KCNMA1: variants seen among roughly 807,000 people sequenced by gnomAD.
KCNMA1 encodes the protein potassium calcium-activated channel subfamily M alpha 1.
KCNMA1 carries 29 observed loss-of-function variants against 140.0 expected under a neutral mutation model. The ratio of observed to expected loss-of-function variants is 0.21; its 90% CI spans 0.15 to 0.28. KCNMA1 has a LOEUF of 0.28. KCNMA1 is among the 10% of genes least tolerant of loss of function. KCNMA1 has a pLI of 1.00. For synonymous variants in KCNMA1, 612 were observed against 611.9 expected, an observed-to-expected ratio of 1.00 and a Z score of 0.00; for missense variants, 880 against 1,602.2, an observed-to-expected ratio of 0.55 and a Z score of 7.70.
intron 1 of KCNMA1, among the ~76,000 whole-genome samples, chr10:77,557,022 G>A (rs529775910): frequency 6.6e-6 from 1 of 152,154 alleles, no homozygotes; most frequent in African/African-American, 2.4e-5. Context: ...GACTCCCTTG[G>A]ATAATGCTGG....
chr10:77,227,045 G>A (rs1015977813), intron 3 of KCNMA1, among the ~76,000 whole-genome samples: 1 of 152,054 alleles, frequency 6.6e-6, no homozygotes, highest in African/African-American at 2.4e-5. Flanking sequence ...CTTTGCCTGG[G>A]GCAGTCTTTT....
At chr10:77,017,500 C>T (rs1223034457) in intron 17 of KCNMA1, among the ~76,000 whole-genome samples, 2 of 152,148 alleles carry the variant, frequency 1.3e-5, no homozygotes, top group Admixed American at 6.5e-5. Context: ...ATTTTTCCCC[C>T]ACAACTCAAT....
chr10:77,630,816 G>T (rs2048626), intron 1 of KCNMA1, among the ~76,000 whole-genome samples: 33,414 of 151,796 alleles, frequency 0.22, 3,990 homozygotes, highest in African/African-American at 0.27. Context: ...GCATATTAAA[G>T]TTTGACTAAG....
At chr10:76,907,634 G>A (rs1209890887) in intron 25 of KCNMA1, among the ~76,000 whole-genome samples, 1 of 152,114 alleles carries the variant, frequency 6.6e-6, no homozygotes, top group African/African-American at 2.4e-5. Flanking sequence ...CACCTCCCAG[G>A]CTCAAGCGAT....
At chr10:77,388,334 G>T (rs1369219219) in intron 2 of KCNMA1, among the ~76,000 whole-genome samples, 1 of 152,176 alleles carries the variant, frequency 6.6e-6, no homozygotes, top group Non-Finnish European at 1.5e-5. Context: ...CAAAGCTCCT[G>T]GTGGGGCTGG....
At chr10:77,576,696 A>C (rs1254789447) in intron 1 of KCNMA1, among the ~76,000 whole-genome samples, 1 of 152,150 alleles carries the variant, frequency 6.6e-6, no homozygotes, top group Non-Finnish European at 1.5e-5. Flanking sequence ...CTGGAACAAG[A>C]AGACTGCAAA....
At chr10:77,514,855 C>A (rs1012295218) in intron 1 of KCNMA1, among the ~76,000 whole-genome samples, 1 of 152,128 alleles carries the variant, frequency 6.6e-6, no homozygotes, top group African/African-American at 2.4e-5. Context: ...TCACTCACGT[C>A]TAGACACCAT....
intron 18 of KCNMA1, among the ~76,000 whole-genome samples, chr10:77,007,653 G>GTGTGTGTGTGTATATATATATATATATA: frequency 3.4e-4 from 30 of 88,456 alleles, no homozygotes; most frequent in African/African-American, 5.0e-4. Flanking sequence ...TTGTGTGTGT[G>GTGTGTGTGTGTATATATATATATATATA]TATATATATA....
intron 2 of KCNMA1, among the ~76,000 whole-genome samples, chr10:77,355,530 A>C (rs2154394963): frequency 6.6e-6 from 1 of 152,320 alleles, no homozygotes; most frequent in Non-Finnish European, 1.5e-5. Flanking sequence ...TGATGAAGGA[A>C]GCATCTAGCC....
chr10:77,017,268 C>T (rs2092236279), intron 17 of KCNMA1, among the ~76,000 whole-genome samples: 1 of 152,150 alleles, frequency 6.6e-6, no homozygotes, highest in African/African-American at 2.4e-5. Flanking sequence ...ATATGGTTCT[C>T]CTGTGCTCCC....
At chr10:77,306,328 T>G (rs1372499745) in intron 2 of KCNMA1, among the ~76,000 whole-genome samples, 1 of 152,140 alleles carries the variant, frequency 6.6e-6, no homozygotes, top group Non-Finnish European at 1.5e-5. Flanking sequence ...CAGCAAGCTA[T>G]GAGCTGTGGA....
chr10:77,114,800 C>T (rs1274250980), intron 6 of KCNMA1, among the ~76,000 whole-genome samples: 2 of 152,210 alleles, frequency 1.3e-5, no homozygotes, highest in African/African-American at 4.8e-5. Context: ...GTGTTCCTTG[C>T]TGCATCTTGC....
Position 77,508,167 on chromosome 10 carries a change from G to A in KCNMA1, c.379-104144C>T, listed in dbSNP as rs79572593. On this transcript the variant is annotated intron_variant, in intron 1 of 27. Transcript: ENST00000286628. Reference sequence around the variant, plus strand: ...CAATCATCTCTAGGATTTAACTGCTGCTTTCATTTTTATTTGATTTTATTT... The same window carrying A: ...CAATCATCTCTAGGATTTAACTGCTACTTTCATTTTTATTTGATTTTATTT... 7.6e-3 allele frequency among the ~76,000 whole-genome samples: 1,150 copies of A among 152,202 alleles called. 19 individuals carry two copies. The highest frequency in any genetic ancestry group is 0.027 in the African/African-American group (1,108 of 41,526).
At chr10:77,361,836 G>A (rs2093977592) in intron 2 of KCNMA1, among the ~76,000 whole-genome samples, 1 of 152,244 alleles carries the variant, frequency 6.6e-6, no homozygotes, top group Non-Finnish European at 1.5e-5. Flanking sequence ...GCTGATATGT[G>A]CCTTAAAAAG....
intron 21 of KCNMA1, 183 bp from the exon 22 acceptor site, chr10:76,949,549 A>G (rs2065454518): frequency 1.6e-6 from 1 of 625,136 alleles, no homozygotes; most frequent in East Asian, 2.7e-5. Context: ...GAGCACGTGT[A>G]TATGTATTAT....
At chr10:76,914,443 C>A (rs577531398) in intron 24 of KCNMA1, 55 of 463,742 alleles carry the variant, frequency 1.2e-4, no homozygotes, top group Admixed American at 6.9e-4. Flanking sequence ...AGATATTCAA[C>A]TACGATACGT....
At chr10:77,564,687 T>C (rs2067558190) in intron 1 of KCNMA1, among the ~76,000 whole-genome samples, 1 of 152,206 alleles carries the variant, frequency 6.6e-6, no homozygotes, top group Non-Finnish European at 1.5e-5. Flanking sequence ...TGTCTCAGCC[T>C]TCGCAGCTTC....
intron 15 of KCNMA1, among the ~76,000 whole-genome samples, chr10:77,034,471 C>T (rs12240507): frequency 0.015 from 2,253 of 152,196 alleles, 77 homozygotes; most frequent in African/African-American, 0.051. Context: ...TTTCGCCGGG[C>T]GGTCTTAAAT....
At chr10:77,106,440 C>T (rs750444562) in intron 9 of KCNMA1, among the ~76,000 whole-genome samples, 3 of 152,024 alleles carry the variant, frequency 2.0e-5, no homozygotes, top group Non-Finnish European at 4.4e-5. Flanking sequence ...GAGTGAGTGC[C>T]GGGCTGAGAG....
Sources: gnomAD v4.1 joint callset for allele counts (sites outside exome capture counted in the v4.1 genomes callset) on GRCh38, gnomAD v4.1.1 for gene constraint, MANE v1.5 for transcripts, NCBI Gene and HGNC (gene_info 2026-07-23, HGNC 2026-07-21) for gene names.